Variants in ATF7IP2 observed in about 807,000 individuals in gnomAD.
ATF7IP2 encodes the protein activating transcription factor 7-interacting protein 2.
A neutral mutation model predicts 64.2 loss-of-function variants in ATF7IP2; 42 were observed. That is an observed-to-expected ratio of 0.65 (90% CI 0.51 to 0.85). The LOEUF is 0.85. ATF7IP2 is among the 40% of genes least tolerant of loss of function. ATF7IP2 has a pLI of 0.00. For missense variants in ATF7IP2, 933 were observed against 784.2 expected (o/e 1.19, Z -2.27); for synonymous variants, 308 against 272.8 (o/e 1.13, Z -1.27).
At chr16:10,413,940 CT>C (rs111452709) in intron 1 of ATF7IP2, among the ~76,000 whole-genome samples, 375 of 152,276 alleles carry the variant, frequency 2.5e-3, no homozygotes, top group African/African-American at 8.7e-3. Context: ...TTACCTGATG[CT>C]TTTGCCTTAC....
At chr16:10,453,478 C>A (rs1233233923) in intron 8 of ATF7IP2, among the ~76,000 whole-genome samples, 1 of 152,232 alleles carries the variant, frequency 6.6e-6, no homozygotes, top group Admixed American at 6.5e-5. Context: ...AAATCACCTG[C>A]CTTCTGCATC....
rs148320897 is a variant in ATF7IP2 at position 10,476,435 on chromosome 16, C to G, written c.1549+2446C>G. 5.3e-5 allele frequency among the ~76,000 whole-genome samples: 8 copies of G among 152,214 alleles called. 1 individual carries two copies. Among genetic ancestry groups the G allele is most frequent in the African/African-American group, 1.9e-4 (8 of 41,548 alleles). ...TTTAGCTACCCAACTTTCATACTTT[C>G]CAATATAAACCCCCTTTTCTTAACC... On this transcript the variant is annotated intron_variant, in intron 12 of 13. Transcript: ENST00000562102.
chr16:10,431,717 T>G (rs1257209479), intron 5 of ATF7IP2, among the ~76,000 whole-genome samples: 3 of 152,174 alleles, frequency 2.0e-5, no homozygotes, highest in African/African-American at 7.2e-5. Flanking sequence ...TAGCAATTAT[T>G]TGGTTCATTT....
chr16:10,451,833 C>G (rs935780260), intron 8 of ATF7IP2, among the ~76,000 whole-genome samples: 7 of 151,954 alleles, frequency 4.6e-5, no homozygotes, highest in African/African-American at 1.7e-4. Context: ...TCGAGATGGA[C>G]ACAAGGTCAA....
At chr16:10,469,550 A>G (rs1567172658) in intron 9 of ATF7IP2, among the ~76,000 whole-genome samples, 1 of 152,162 alleles carries the variant, frequency 6.6e-6, no homozygotes, top group Non-Finnish European at 1.5e-5. Flanking sequence ...TAGCCACACA[A>G]AAGACACATC....
At chr16:10,418,503 C>A (rs2047923198) in intron 2 of ATF7IP2, among the ~76,000 whole-genome samples, 1 of 152,190 alleles carries the variant, frequency 6.6e-6, no homozygotes. Flanking sequence ...TCAGGATCCA[C>A]ATCTGCAGAC....
At chr16:10,465,688 G>A (rs1449572536) in intron 9 of ATF7IP2, among the ~76,000 whole-genome samples, 5 of 148,616 alleles carry the variant, frequency 3.4e-5, no homozygotes, top group Non-Finnish European at 3.0e-5. Context: ...GGCGTCATCC[G>A]AGATTGCACC....
chr16:10,407,339 C>A (rs2047662932), intron 1 of ATF7IP2, among the ~76,000 whole-genome samples: 1 of 152,116 alleles, frequency 6.6e-6, no homozygotes, highest in East Asian at 1.9e-4. Flanking sequence ...ACAAGGCTGC[C>A]CGTTTTCACC....
chr16:10,405,377 A>C (rs548224240), intron 1 of ATF7IP2, among the ~76,000 whole-genome samples: 2 of 152,202 alleles, frequency 1.3e-5, no homozygotes, highest in Admixed American at 1.3e-4. Context: ...CATCTCAAAA[A>C]AAAAAAGTTA....
intron 1 of ATF7IP2, among the ~76,000 whole-genome samples, chr16:10,396,107 A>G (rs1052019229): frequency 1.3e-5 from 2 of 152,214 alleles, no homozygotes; most frequent in Non-Finnish European, 2.9e-5. Context: ...TTATTTCCAT[A>G]TACTTGCAAA....
intron 8 of ATF7IP2, among the ~76,000 whole-genome samples, chr16:10,451,670 C>T (rs1243379535): frequency 6.6e-6 from 1 of 151,966 alleles, no homozygotes; most frequent in African/African-American, 2.4e-5. Flanking sequence ...TCAGCTCCAT[C>T]AGGTCATTTA....
chr16:10,411,765 A>G lies in ATF7IP2; in HGVS notation c.-241-2809A>G, dbSNP rs765518793. ...TCCTGATTTAAGCTAGGAGGGTTAT[A>G]TCTTTCTGGGAATTTATCCATCTCC... is the stretch of plus-strand genomic sequence containing the variant. On this transcript the variant is annotated intron_variant, in intron 1 of 13. Transcript: ENST00000562102. Among the ~76,000 whole-genome samples the G allele has an allele frequency of 4.6e-5, 7 of 152,142 alleles. No individual in the cohort carries two copies. The East Asian group carries it at 7.7e-4, about 17-fold the overall frequency.
chr16:10,452,133 C>G (rs1014485340), intron 8 of ATF7IP2, among the ~76,000 whole-genome samples: 1 of 152,180 alleles, frequency 6.6e-6, no homozygotes, highest in Admixed American at 6.5e-5. Flanking sequence ...ACTTGTCACC[C>G]TCATTCTCCG....
chr16:10,436,320 C>A (rs1435729953), intron 6 of ATF7IP2, among the ~76,000 whole-genome samples: 1 of 152,054 alleles, frequency 6.6e-6, no homozygotes, highest in East Asian at 1.9e-4. Flanking sequence ...CGGGATCACG[C>A]TGCTGCACTG....
intron 8 of ATF7IP2, chr16:10,454,393 T>G (rs2049096906): frequency 8.0e-6 from 1 of 124,248 alleles, no homozygotes; most frequent in Non-Finnish European, 1.6e-5. Flanking sequence ...CCAGTGACAG[T>G]GTGAGACTCC....
At chr16:10,460,352 G>A (rs767978046) in intron 9 of ATF7IP2, among the ~76,000 whole-genome samples, 2 of 152,168 alleles carry the variant, frequency 1.3e-5, no homozygotes, top group African/African-American at 2.4e-5. Flanking sequence ...ATCTCAGTGT[G>A]TAATTTTATA....
At chr16:10,472,834 CAAAACAGCAAG>C (rs1167242290) in intron 10 of ATF7IP2, among the ~76,000 whole-genome samples, 3 of 113,712 alleles carry the variant, frequency 2.6e-5, no homozygotes, top group Admixed American at 1.0e-4. Context: ...CCAGCCTGGG[CAAAACAGCAAG>C]ACTCCGTCTC....
chr16:10,392,864 G>A (rs2047354434), intron 1 of ATF7IP2, among the ~76,000 whole-genome samples: 1 of 150,840 alleles, frequency 6.6e-6, no homozygotes, highest in African/African-American at 2.4e-5. Context: ...GGGCGCCCCT[G>A]ATGTCCCTGC....
chr16:10,422,958 C>T (rs954644716), intron 3 of ATF7IP2, among the ~76,000 whole-genome samples: 1 of 152,144 alleles, frequency 6.6e-6, no homozygotes, highest in Non-Finnish European at 1.5e-5. Flanking sequence ...TAAATTTAAA[C>T]TAGAGGCCAG....
Sources: allele counts gnomAD v4.1 joint callset (sites outside exome capture counted in the v4.1 genomes callset), GRCh38; gene constraint gnomAD v4.1.1; transcripts MANE v1.5; gene names NCBI Gene and HGNC (gene_info 2026-07-23, HGNC 2026-07-21).